The following DCLK2 variants were observed in gnomAD, a reference collection of about 807,000 sequenced individuals.
DCLK2 encodes serine/threonine-protein kinase DCLK2.
A neutral mutation model predicts 78.4 loss-of-function variants in DCLK2; 31 were observed. The observed-to-expected ratio is 0.40, with a 90% CI of 0.30 to 0.53. The LOEUF is 0.53. Ranked by LOEUF, DCLK2 falls within the 20% of genes least tolerant of loss-of-function variation. The probability of loss-of-function intolerance (pLI) is 0.61; values close to 1 mark genes in which losing one functional copy is unlikely to be tolerated. For synonymous variants in DCLK2, 407 were observed against 374.9 expected, an observed-to-expected ratio of 1.09 and a Z score of -0.99; for missense variants, 872 against 973.7, an observed-to-expected ratio of 0.90 and a Z score of 1.39.
chr4:150,224,563 A>G lies in DCLK2; in HGVS notation c.1299+5A>G. 6.2e-7 allele frequency: 1 copy of G among 1,609,310 alleles called. No individual in the cohort carries two copies. Among genetic ancestry groups the G allele is most frequent in the Non-Finnish European group, 8.5e-7 (1 of 1,178,092 alleles). On this transcript the variant is annotated splice_donor_5th_base_variant and intron_variant, in intron 8 of 15. Coordinates refer to ENST00000296550, the MANE Select transcript of DCLK2 (RefSeq NM_001040260.4). ...AAAGCCAAATGTTGTGGAAAGGTAT[A>G]GTATGCATAACCCCTAGTTCTGAAA...
At chr4:150,149,779 G>A (rs1299298601) in intron 2 of DCLK2, among the ~76,000 whole-genome samples, 1 of 152,150 alleles carries the variant, frequency 6.6e-6, no homozygotes, top group Admixed American at 6.5e-5. Flanking sequence ...CATAAAATCT[G>A]CACTGATTCT....
At chr4:150,246,113 C>T (rs1743288019) in intron 12 of DCLK2, among the ~76,000 whole-genome samples, 1 of 151,352 alleles carries the variant, frequency 6.6e-6, no homozygotes, top group Non-Finnish European at 1.5e-5. Context: ...GGTGCGATCT[C>T]AGCTCACTGC....
At chr4:150,162,587 T>A (rs115426564) in intron 2 of DCLK2, among the ~76,000 whole-genome samples, 3,196 of 152,272 alleles carry the variant, frequency 0.021, 112 homozygotes, top group African/African-American at 0.073. Context: ...AATGTATGTC[T>A]TAATTATGTT....
intron 2 of DCLK2, among the ~76,000 whole-genome samples, chr4:150,164,077 G>T (rs1177963027): frequency 1.3e-5 from 2 of 152,256 alleles, no homozygotes; most frequent in East Asian, 3.9e-4. Flanking sequence ...GCCTAACACA[G>T]CCCATTTTAT....
Position 150,187,793 on chromosome 4 carries a change from C to T in DCLK2, c.757-5345C>T, listed in dbSNP as rs1295190321. On this transcript the variant is annotated intron_variant, in intron 2 of 15. Coordinates refer to ENST00000296550, the MANE Select transcript of DCLK2 (RefSeq NM_001040260.4). Reference sequence around the variant, plus strand: ...AGTATACCTGCGACATGTTTTGTTTCTCAGTTGTACTTTTTTTTTTTTTTT... The same window carrying T: ...AGTATACCTGCGACATGTTTTGTTTTTCAGTTGTACTTTTTTTTTTTTTTT... Among the ~76,000 whole-genome samples, 3 of 131,866 alleles carry T rather than the reference C, an allele frequency of 2.3e-5. No homozygotes were observed. The East Asian group carries it at 6.9e-4, about 30-fold the overall frequency. The allele number at this position is 131,866 out of a possible 152,430, so 86.5% of individuals were successfully genotyped here.
At chr4:150,221,242 A>G (rs1467325937) in intron 6 of DCLK2, among the ~76,000 whole-genome samples, 1 of 152,068 alleles carries the variant, frequency 6.6e-6, no homozygotes, top group Non-Finnish European at 1.5e-5. Context: ...AATTTTCTCT[A>G]CTAGAAAATG....
chr4:150,134,310 G>T (rs1733546229), intron 2 of DCLK2, among the ~76,000 whole-genome samples: 1 of 151,926 alleles, frequency 6.6e-6, no homozygotes, highest in Admixed American at 6.6e-5. Flanking sequence ...TCGAACTTCT[G>T]ACCTCAGGTG....
rs746746052 is a variant in DCLK2 at position 150,078,944 on chromosome 4, T to A, written c.-84T>A. On this transcript the variant is annotated 5_prime_UTR_variant, in exon 1 of 16. Coordinates refer to ENST00000296550, the MANE Select transcript of DCLK2 (RefSeq NM_001040260.4). ...AGGTGTCCCGGCGCGTTAAGGGCCC[T>A]CGCAGTCAGACGTCCCTGCACCGGC... The A allele has an allele frequency of 5.7e-6, 8 of 1,415,170 alleles. No homozygotes were observed. Among genetic ancestry groups the A allele is most frequent in the Non-Finnish European group, 6.5e-6 (7 of 1,079,368 alleles). 87.7% of individuals were successfully genotyped at this position (1,415,170 alleles called of 1,614,324 possible). A position where few individuals can be genotyped will look rare whatever the true frequency, so the allele number is the denominator to read the frequency against.
intron 12 of DCLK2, among the ~76,000 whole-genome samples, chr4:150,243,147 T>G (rs1218040105): frequency 6.6e-6 from 1 of 152,198 alleles, no homozygotes; most frequent in South Asian, 2.1e-4. Flanking sequence ...AGACTCAAAT[T>G]GAAGAGGATG....
intron 2 of DCLK2, among the ~76,000 whole-genome samples, chr4:150,172,464 G>A (rs1374642186): frequency 1.3e-5 from 2 of 151,754 alleles, no homozygotes; most frequent in African/African-American, 2.4e-5. Flanking sequence ...AAAATTAGCC[G>A]GGCATCATGG....
At chr4:150,225,862 A>T (rs1304487494) in intron 8 of DCLK2, among the ~76,000 whole-genome samples, 1 of 152,196 alleles carries the variant, frequency 6.6e-6, no homozygotes, top group Non-Finnish European at 1.5e-5. Context: ...TGGAAAATTT[A>T]TTTAACCCCT....
chr4:150,116,561 G>T (rs1732109250), intron 2 of DCLK2, among the ~76,000 whole-genome samples: 1 of 152,170 alleles, frequency 6.6e-6, no homozygotes, highest in East Asian at 1.9e-4. Flanking sequence ...GGTACTCCAG[G>T]CTGGTGCTAG....
intron 2 of DCLK2, among the ~76,000 whole-genome samples, chr4:150,129,798 T>C (rs1325244977): frequency 4.0e-5 from 6 of 151,860 alleles, no homozygotes; most frequent in Non-Finnish European, 5.9e-5. Context: ...CAACTAGCCA[T>C]ACTTTATTTT....
At chr4:150,215,820 G>T (rs953879335) in intron 5 of DCLK2, among the ~76,000 whole-genome samples, 1 of 152,244 alleles carries the variant, frequency 6.6e-6, no homozygotes, top group African/African-American at 2.4e-5. Flanking sequence ...TGGCTTCAGG[G>T]TATGGGGCAG....
intron 2 of DCLK2, among the ~76,000 whole-genome samples, chr4:150,112,124 C>T (rs1417044454): frequency 6.6e-6 from 1 of 151,914 alleles, no homozygotes; most frequent in Non-Finnish European, 1.5e-5. Flanking sequence ...TGTTGTGTTA[C>T]CTTTGATTTC....
intron 2 of DCLK2, among the ~76,000 whole-genome samples, chr4:150,169,571 C>T (rs1041643624): frequency 2.0e-5 from 3 of 150,718 alleles, no homozygotes; most frequent in Non-Finnish European, 4.4e-5. Flanking sequence ...GCAGGAGAAT[C>T]GGTTGAACCT....
chr4:150,142,043 G>A (rs1734146858), intron 2 of DCLK2, among the ~76,000 whole-genome samples: 1 of 152,120 alleles, frequency 6.6e-6, no homozygotes, highest in African/African-American at 2.4e-5. Flanking sequence ...AACTGTTTTA[G>A]TGTATTTATT....
intron 7 of DCLK2, among the ~76,000 whole-genome samples, chr4:150,223,394 C>T (rs1741344065): frequency 6.6e-6 from 1 of 152,262 alleles, no homozygotes; most frequent in East Asian, 1.9e-4. Flanking sequence ...AATGCTTTTT[C>T]TATACTCAAA....
At chr4:150,210,560 A>T (rs1293101046) in intron 5 of DCLK2, among the ~76,000 whole-genome samples, 1 of 152,142 alleles carries the variant, frequency 6.6e-6, no homozygotes, top group African/African-American at 2.4e-5. Flanking sequence ...AATTGCTTGA[A>T]TCTGGGAGGC....
Sources: allele counts gnomAD v4.1 joint callset (sites outside exome capture counted in the v4.1 genomes callset), GRCh38; gene constraint gnomAD v4.1.1; transcripts MANE v1.5; gene names NCBI Gene and HGNC (gene_info 2026-07-23, HGNC 2026-07-21).